SCFD2: variants seen among roughly 807,000 people sequenced by gnomAD.
SCFD2 encodes the protein sec1 family domain-containing protein 2.
Under a neutral mutation model 58.9 loss-of-function variants are expected in SCFD2, and 54 were observed. That is an observed-to-expected ratio of 0.92 (90% CI 0.74 to 1.15). The LOEUF is 1.15. Ranked by LOEUF, SCFD2 falls within the 50% of genes most tolerant of loss-of-function variation. SCFD2 has a pLI of 0.00. For missense variants in SCFD2, 805 were observed against 836.6 expected (o/e 0.96, Z 0.47); for synonymous variants, 321 against 335.9 (o/e 0.96, Z 0.49).
chr4:53,157,632 A>G (rs1302400229), intron 4 of SCFD2, among the ~76,000 whole-genome samples: 2 of 152,198 alleles, frequency 1.3e-5, no homozygotes, highest in Non-Finnish European at 2.9e-5. Flanking sequence ...TGTTCTGGAA[A>G]TATGGTTACT....
intron 1 of SCFD2, among the ~76,000 whole-genome samples, chr4:53,363,351 G>A (rs1447950619): frequency 6.6e-6 from 1 of 151,634 alleles, no homozygotes; most frequent in Non-Finnish European, 1.5e-5. Context: ...GTTTTGCTGT[G>A]TTGCCCAGGT....
chr4:52,901,690 G>T (rs138338324), intron 7 of SCFD2, among the ~76,000 whole-genome samples: 1 of 152,164 alleles, frequency 6.6e-6, no homozygotes, highest in Admixed American at 6.5e-5. Flanking sequence ...TCAATGATTT[G>T]GGATGACTTG....
intron 3 of SCFD2, among the ~76,000 whole-genome samples, chr4:53,308,328 A>T (rs183749383): frequency 1.3e-5 from 2 of 152,294 alleles, no homozygotes; most frequent in South Asian, 2.1e-4. Flanking sequence ...GTCAATAATC[A>T]GTATATGTCT....
chr4:53,194,967 A>G (rs1288230249), intron 4 of SCFD2, among the ~76,000 whole-genome samples: 1 of 152,236 alleles, frequency 6.6e-6, no homozygotes, highest in Non-Finnish European at 1.5e-5. Context: ...ATTGGACATT[A>G]ACAGGATTAT....
At chr4:53,313,461 G>T (rs1490162831) in intron 3 of SCFD2, among the ~76,000 whole-genome samples, 175 bp downstream of exon 3, 1 of 152,192 alleles carries the variant, frequency 6.6e-6, no homozygotes, top group African/African-American at 2.4e-5. Flanking sequence ...TAAGAAAAGT[G>T]GTCATTGCTG....
chr4:53,213,128 G>A (rs1728677578), intron 4 of SCFD2, among the ~76,000 whole-genome samples: 1 of 152,010 alleles, frequency 6.6e-6, no homozygotes, highest in Non-Finnish European at 1.5e-5. Flanking sequence ...TTATTTAGTA[G>A]GTGTAATGTG....
At chr4:53,067,337 A>G (rs1723690891) in intron 5 of SCFD2, among the ~76,000 whole-genome samples, 1 of 151,816 alleles carries the variant, frequency 6.6e-6, no homozygotes, top group South Asian at 2.1e-4. Flanking sequence ...TGTGGTTAGT[A>G]CTCAAACATA....
chr4:53,134,022 G>A (rs1310625695), intron 5 of SCFD2, among the ~76,000 whole-genome samples: 1 of 152,214 alleles, frequency 6.6e-6, no homozygotes, highest in African/African-American at 2.4e-5. Context: ...AGAAAATTCT[G>A]TAATATGTGA....
chr4:53,355,284 T>C (rs1734368791), intron 1 of SCFD2, among the ~76,000 whole-genome samples: 2 of 152,212 alleles, frequency 1.3e-5, no homozygotes, highest in Non-Finnish European at 2.9e-5. Context: ...ACCAGAATTG[T>C]AGTGATCTTG....
chr4:53,159,546 G>A lies in SCFD2; in HGVS notation c.1312-13964C>T, dbSNP rs371636615. Reference sequence around the variant, plus strand: ...ATAAGACAATAGATAAATTATATGAGAGTAGAGGCAGTAGCAGGGAAACTT... The same window carrying A: ...ATAAGACAATAGATAAATTATATGAAAGTAGAGGCAGTAGCAGGGAAACTT... On this transcript the variant is annotated intron_variant, in intron 4 of 8. Coordinates refer to ENST00000401642, the MANE Select transcript of SCFD2 (RefSeq NM_152540.4). Among the ~76,000 whole-genome samples the A allele has an allele frequency of 5.9e-5, 9 of 152,278 alleles. No homozygotes were observed. In the East Asian group the frequency reaches 1.5e-3, roughly 26 times the overall value.
chr4:53,314,920 C>T (rs1732810368), intron 2 of SCFD2, among the ~76,000 whole-genome samples: 1 of 152,118 alleles, frequency 6.6e-6, no homozygotes, highest in Non-Finnish European at 1.5e-5. Context: ...TATAACTCTG[C>T]ATCTAATATT....
intron 5 of SCFD2, among the ~76,000 whole-genome samples, chr4:53,015,854 C>T (rs1430492076): frequency 6.6e-6 from 1 of 152,152 alleles, no homozygotes; most frequent in African/African-American, 2.4e-5. Flanking sequence ...ATTGTACAGT[C>T]TCTTCTCTAT....
At chr4:53,023,366 C>A (rs189140462) in intron 5 of SCFD2, among the ~76,000 whole-genome samples, 96 of 152,152 alleles carry the variant, frequency 6.3e-4, no homozygotes, top group South Asian at 1.7e-3. Flanking sequence ...CAAAGGTACG[C>A]TTTGGAAAAA....
At position 53,109,931 on chromosome 4, in the gene SCFD2, AT is replaced by A. The variant is rs201841332; in HGVS notation, c.1561+35401del. On this transcript the variant is annotated intron_variant, in intron 5 of 8. Transcript: ENST00000401642. ...CCAAGACAATCCTAAGCCAAAAAAA[AT>A]AAATAAATAAATCTGGAGGTATCAC... is the stretch of plus-strand genomic sequence containing the variant. Among the ~76,000 whole-genome samples, 1,378 of 151,882 alleles carry A rather than the reference AT, an allele frequency of 9.1e-3. 28 individuals carry two copies. The highest frequency in any genetic ancestry group is 0.031 in the African/African-American group (1,293 of 41,506).
chr4:52,998,718 T>C (rs1721798849), intron 5 of SCFD2, among the ~76,000 whole-genome samples: 1 of 152,140 alleles, frequency 6.6e-6, no homozygotes, highest in South Asian at 2.1e-4. Context: ...ACAAATGGAC[T>C]GCGCATTTAC....
intron 3 of SCFD2, among the ~76,000 whole-genome samples, chr4:53,285,984 C>T (rs963477868): frequency 6.6e-6 from 1 of 152,152 alleles, no homozygotes; most frequent in African/African-American, 2.4e-5. Flanking sequence ...ACAGCACCAT[C>T]TTGAAACTAG....
intron 5 of SCFD2, among the ~76,000 whole-genome samples, chr4:53,101,168 G>GT (rs1724823415): frequency 6.6e-6 from 1 of 152,274 alleles, no homozygotes; most frequent in Non-Finnish European, 1.5e-5. Flanking sequence ...GGATTGACTT[G>GT]TAGAAACTCA....
In SCFD2 at chr4:53,274,020, A is replaced by T. The variant is rs752430792; in HGVS notation, c.1136-19T>A. ...ACTCTCCCTGGAAACATAAGAATTT[A>T]TCAGTGTACCCCCTTCTGGGAATAG... On this transcript the variant is annotated intron_variant, in intron 3 of 8. Transcript: ENST00000401642. 32 of 1,599,770 alleles carry T rather than the reference A, an allele frequency of 2.0e-5. No individual in the cohort carries two copies. The highest frequency in any genetic ancestry group is 2.6e-5 in the Non-Finnish European group (30 of 1,172,364).
chr4:53,266,970 G>C (rs1731006204), intron 4 of SCFD2, among the ~76,000 whole-genome samples: 6 of 152,206 alleles, frequency 3.9e-5, no homozygotes, highest in Admixed American at 3.9e-4. Context: ...TTCTAGGAGT[G>C]TAAGTCCAAC....
Sources: gnomAD v4.1 joint callset for allele counts (sites outside exome capture counted in the v4.1 genomes callset) on GRCh38, gnomAD v4.1.1 for gene constraint, MANE v1.5 for transcripts, NCBI Gene and HGNC (gene_info 2026-07-23, HGNC 2026-07-21) for gene names.